Variants in MBTPS1 observed in about 807,000 individuals in gnomAD.
The protein encoded by MBTPS1 is membrane-bound transcription factor site-1 protease.
Under a neutral mutation model 127.8 loss-of-function variants are expected in MBTPS1, and 94 were observed. The observed-to-expected ratio is 0.74, with a 90% confidence interval of 0.62 to 0.87. The LOEUF (loss-of-function observed/expected upper bound fraction) is 0.87. Ranked by LOEUF, MBTPS1 falls within the 40% of genes least tolerant of loss-of-function variation. The pLI, the probability that MBTPS1 is intolerant of heterozygous loss-of-function variation, is 0.00. For synonymous variants in MBTPS1, 632 were observed against 509.4 expected (o/e 1.24, Z -3.24); for missense variants, 1,636 against 1,353.2 (o/e 1.21, Z -3.28).
At chr16:84,077,116 T>A (rs1233228428) in intron 11 of MBTPS1, among the ~76,000 whole-genome samples, 1 of 151,256 alleles carries the variant, frequency 6.6e-6, no homozygotes, top group Non-Finnish European at 1.5e-5. Flanking sequence ...GTCCACCTAC[T>A]TGGGAGGCTG....
intron 1 of MBTPS1, among the ~76,000 whole-genome samples, chr16:84,103,713 T>C (rs1413169313): frequency 1.3e-5 from 2 of 152,184 alleles, no homozygotes; most frequent in African/African-American, 4.8e-5. Context: ...AGAAAAACAT[T>C]GATAAAGTAC....
chr16:84,095,243 C>T (rs1047025765), intron 4 of MBTPS1, among the ~76,000 whole-genome samples: 4 of 152,214 alleles, frequency 2.6e-5, no homozygotes, highest in Non-Finnish European at 5.9e-5. Context: ...GCAGGCCTGT[C>T]GGTCAGCGCC....
intron 10 of MBTPS1, among the ~76,000 whole-genome samples, chr16:84,084,450 T>C (rs2085988411): frequency 6.6e-6 from 1 of 152,228 alleles, no homozygotes; most frequent in African/African-American, 2.4e-5. Context: ...TGGGTAACAC[T>C]GTGAGAAGAT....
In MBTPS1 at chr16:84,065,713, A is replaced by G; in HGVS notation, c.2408T>C (p.Ile803Thr). 6.2e-7 allele frequency: 1 copy of G among 1,612,862 alleles called. No individual in the cohort carries two copies. The highest frequency in any genetic ancestry group is 8.5e-7 in the Non-Finnish European group (1 of 1,179,560). The change falls in exon 18 of 23, where the codon ATA becomes ACA. Residue 803 changes from isoleucine to threonine, a missense_variant. Coordinates refer to ENST00000343411, the MANE Select transcript of MBTPS1 (RefSeq NM_003791.4). ...ACCTTGGTCCTTGAAAGTCTGTGTTATCACGACGCCATCTTCTGGAAACTT... is the reference window on the plus strand; with the variant it reads ...ACCTTGGTCCTTGAAAGTCTGTGTTGTCACGACGCCATCTTCTGGAAACTT... ...IAKFPEDGVV[I>T]TQTFKDQGLE...
intron 18 of MBTPS1, 59 bp downstream of exon 18, chr16:84,065,631 C>T (rs983839321): frequency 8.3e-6 from 9 of 1,081,946 alleles, no homozygotes; most frequent in East Asian, 4.7e-5. Context: ...GAGAGAGAAG[C>T]GGGGGAAAAG....
intron 11 of MBTPS1, among the ~76,000 whole-genome samples, chr16:84,079,737 A>G (rs1470938344): frequency 6.6e-6 from 1 of 152,224 alleles, no homozygotes; most frequent in Non-Finnish European, 1.5e-5. Context: ...AAATAGAAAC[A>G]AGGATAGGGA....
At chr16:84,062,238 A>C (rs138691828) in intron 19 of MBTPS1, among the ~76,000 whole-genome samples, 4,424 of 152,150 alleles carry the variant, frequency 0.029, 82 homozygotes, top group Middle Eastern at 0.078. Context: ...CTCCCACCTC[A>C]GCCTCCCAAG....
intron 17 of MBTPS1, among the ~76,000 whole-genome samples, chr16:84,066,166 C>A (rs577838932): frequency 3.9e-5 from 6 of 152,134 alleles, no homozygotes; most frequent in Non-Finnish European, 2.9e-5. Context: ...ACTTCCTACA[C>A]GGGAAACACA....
At chr16:84,066,426 T>C (rs1433265931) in intron 17 of MBTPS1, 63 bp downstream of exon 17, 2 of 1,556,690 alleles carry the variant, frequency 1.3e-6, no homozygotes, top group Non-Finnish European at 1.8e-6. Context: ...AAATCTAGAC[T>C]TCAGAGGTGT....
chr16:84,093,050 G>C (rs1314856308), intron 6 of MBTPS1, 138 bp downstream of exon 6: 1 of 669,522 alleles, frequency 1.5e-6, no homozygotes, highest in Non-Finnish European at 2.7e-6. Context: ...ACAGTAAACT[G>C]AGCATGCGTG....
intron 1 of MBTPS1, among the ~76,000 whole-genome samples, chr16:84,106,788 G>A (rs965967827): frequency 6.6e-6 from 1 of 152,216 alleles, no homozygotes; most frequent in Non-Finnish European, 1.5e-5. Flanking sequence ...AGAGCCAAGG[G>A]AGAGAAGATG....
At chr16:84,085,750 G>T (rs994144919) in intron 9 of MBTPS1, among the ~76,000 whole-genome samples, 2 of 152,014 alleles carry the variant, frequency 1.3e-5, no homozygotes, top group Non-Finnish European at 2.9e-5. Flanking sequence ...ATGCCAGACT[G>T]GAAAGTGGAC....
chr16:84,062,914 C>A (rs2085634501), intron 19 of MBTPS1, among the ~76,000 whole-genome samples: 1 of 152,150 alleles, frequency 6.6e-6, no homozygotes, highest in Non-Finnish European at 1.5e-5. Context: ...TGAGTCAGAC[C>A]AGAGAAGGGC....
At chr16:84,059,730 G>C (rs114970887) in intron 20 of MBTPS1, 1 of 197,540 alleles carries the variant, frequency 5.1e-6, no homozygotes, top group African/African-American at 2.3e-5. Context: ...CACACGCAAG[G>C]CTACACCTGC....
Position 84,070,614 on chromosome 16 carries a change from T to G in MBTPS1, c.1756A>C (p.Thr586Pro). 1 of 1,612,686 alleles carries G rather than the reference T, an allele frequency of 6.2e-7. No homozygotes were observed. Residue 586 changes from threonine (T) to proline (P), a missense_variant, in exon 13 of 23, where the codon ACT becomes CCT. Coordinates refer to ENST00000343411, the MANE Select transcript of MBTPS1 (RefSeq NM_003791.4). The stretch of plus-strand genomic sequence containing the variant: ...TCTGTCTCTGCTGGGGAAGCCACAG[T>G]GATCATGACATGGCCCTGAGCAATG... Reference protein sequence around the residue: ...EGIAQGHVMITVASPAETESK... With the variant: ...EGIAQGHVMIPVASPAETESK...
chr16:84,054,680 G>A (rs200665004), intron 22 of MBTPS1, 35 bp from the exon 23 acceptor site: 24 of 1,495,256 alleles, frequency 1.6e-5, no homozygotes, highest in African/African-American at 2.8e-5. Flanking sequence ...AGGCAGGAAC[G>A]CCACAGAGCT....
At chr16:84,106,709 G>C (rs1460152422) in intron 1 of MBTPS1, among the ~76,000 whole-genome samples, 2 of 152,218 alleles carry the variant, frequency 1.3e-5, no homozygotes, top group Non-Finnish European at 2.9e-5. Context: ...GTTTTAGCCA[G>C]ATCGCTCTGG....
Position 84,081,782 on chromosome 16 carries a change from G to T in MBTPS1, c.1413C>A (p.Ala471=). 1 of 1,466,172 alleles carries T rather than the reference G, an allele frequency of 6.8e-7. No individual in the cohort carries two copies. The highest frequency in any genetic ancestry group is 9.1e-7 in the Non-Finnish European group (1 of 1,102,902). 90.8% of individuals were successfully genotyped at this position (1,466,172 alleles called of 1,614,324 possible). ...GCTTGTAGCTGTTGAGGATCTGATA[G>T]GCTCTGAGCAGATCGAGCTTGCCGT... is the stretch of plus-strand genomic sequence containing the variant. ...QGHGKLDLLR[A]YQILNSYKPQ... is the part of the protein sequence containing the mutation. The change falls in exon 11 of 23, where the codon GCC becomes GCA. Residue 471 remains alanine, a synonymous_variant. Coordinates refer to ENST00000343411, the MANE Select transcript of MBTPS1 (RefSeq NM_003791.4).
At chr16:84,091,486 C>CA (rs10714716) in intron 7 of MBTPS1, among the ~76,000 whole-genome samples, 4,334 of 85,570 alleles carry the variant, frequency 0.051, 126 homozygotes, top group Non-Finnish European at 0.068. Context: ...AACTCCATCT[C>CA]AAAAAAAAAA....
Sources: allele counts gnomAD v4.1 joint callset (sites outside exome capture counted in the v4.1 genomes callset), GRCh38; gene constraint gnomAD v4.1.1; transcripts MANE v1.5; gene names NCBI Gene and HGNC (gene_info 2026-07-23, HGNC 2026-07-21).